NRXN1: variants seen among roughly 807,000 people sequenced by gnomAD.
NRXN1 encodes the protein neurexin 1, also known as neurexin-1.
NRXN1 carries 39 observed loss-of-function variants against 150.9 expected under a neutral mutation model. That is an observed-to-expected ratio of 0.26 (90% confidence interval 0.20 to 0.34). The LOEUF (loss-of-function observed/expected upper bound fraction) is 0.34, where lower values mean the gene tolerates loss of function less well. NRXN1 is among the 10% of genes least tolerant of loss of function. The pLI is 1.00. For missense variants in NRXN1, 1,815 were observed against 1,949.9 expected, an observed-to-expected ratio of 0.93 and a Z score of 1.30; for synonymous variants, 924 against 757.0, an observed-to-expected ratio of 1.22 and a Z score of -3.62.
At chr2:50,445,813 T>A (rs530930181) in intron 17 of NRXN1, among the ~76,000 whole-genome samples, 1 of 152,272 alleles carries the variant, frequency 6.6e-6, no homozygotes, top group Non-Finnish European at 1.5e-5. Flanking sequence ...TATTTCTACC[T>A]AGGGATTGGA....
At chr2:50,740,879 A>G (rs1699344066) in intron 5 of NRXN1, among the ~76,000 whole-genome samples, 1 of 152,200 alleles carries the variant, frequency 6.6e-6, no homozygotes, top group South Asian at 2.1e-4. Context: ...TATCTGTCAT[A>G]ATCAATAACT....
intron 5 of NRXN1, among the ~76,000 whole-genome samples, chr2:50,815,025 A>G (rs1397050456): frequency 6.6e-6 from 1 of 152,132 alleles, no homozygotes; most frequent in Non-Finnish European, 1.5e-5. Context: ...TATAAGGCAG[A>G]ATTCTTAGAA....
chr2:50,743,200 G>C lies in NRXN1; in HGVS notation c.833-119585C>G, dbSNP rs141348059. 3.1e-4 allele frequency among the ~76,000 whole-genome samples: 47 copies of C among 152,232 alleles called. No homozygotes were observed. The East Asian group carries it at 8.9e-3, about 29-fold the overall frequency. On this transcript the variant is annotated intron_variant, in intron 5 of 22. Transcript: ENST00000401669. ...ATATGCTTTTTGAACTTGAGGTTAG[G>C]TGGGTCCCTACCTCGTGTCTTTGTT...
At chr2:50,700,968 G>A (rs761181114) in intron 5 of NRXN1, among the ~76,000 whole-genome samples, 2 of 151,988 alleles carry the variant, frequency 1.3e-5, no homozygotes, top group Middle Eastern at 3.4e-3. Context: ...GCCCGGCCAG[G>A]GATCAAGATT....
At chr2:50,996,006 T>C (rs770507767) in intron 2 of NRXN1, among the ~76,000 whole-genome samples, 1 of 152,074 alleles carries the variant, frequency 6.6e-6, no homozygotes, top group Non-Finnish European at 1.5e-5. Context: ...TGTTGGTCAA[T>C]GAGGATATTA....
chr2:50,286,093 C>A (rs550374996), intron 17 of NRXN1, among the ~76,000 whole-genome samples: 2 of 152,214 alleles, frequency 1.3e-5, no homozygotes, highest in East Asian at 3.9e-4. Context: ...ATGACTAAAT[C>A]TAGCCAATTT....
intron 5 of NRXN1, among the ~76,000 whole-genome samples, chr2:50,678,629 CCTT>C (rs1689891109): frequency 2.0e-5 from 3 of 152,104 alleles, no homozygotes; most frequent in Non-Finnish European, 4.4e-5. Context: ...TTTACAGCCT[CCTT>C]CTCCAGATCT....
At chr2:50,538,225 G>A (rs186615870) in intron 10 of NRXN1, 28 bp downstream of exon 10, 2 of 1,591,736 alleles carry the variant, frequency 1.3e-6, no homozygotes, top group African/African-American at 1.3e-5. Flanking sequence ...ATCTCAGGGA[G>A]TTGGCTGCTG....
chr2:50,240,401 A>G (rs1244923444), intron 17 of NRXN1, among the ~76,000 whole-genome samples: 5 of 151,758 alleles, frequency 3.3e-5, no homozygotes, highest in African/African-American at 1.2e-4. Context: ...GCTCTCTTCT[A>G]CATACTTCTA....
chr2:50,954,623 G>C (rs1224938274), intron 2 of NRXN1, among the ~76,000 whole-genome samples: 5 of 152,186 alleles, frequency 3.3e-5, no homozygotes, highest in Non-Finnish European at 4.4e-5. Context: ...AGTAGGCACA[G>C]TTCAAAGAAA....
chr2:50,873,844 C>T (rs1678165604), intron 5 of NRXN1, among the ~76,000 whole-genome samples: 1 of 151,782 alleles, frequency 6.6e-6, no homozygotes, highest in Non-Finnish European at 1.5e-5. Flanking sequence ...AAAAACAATG[C>T]TGACCTGGCA....
chr2:49,984,088 G>A (rs72887825), intron 21 of NRXN1, among the ~76,000 whole-genome samples: 2,951 of 152,132 alleles, frequency 0.019, 104 homozygotes, highest in African/African-American at 0.067. Context: ...GATCACTTGA[G>A]CCTAAGAGGC....
chr2:50,690,703 T>C (rs1215215705), intron 5 of NRXN1, among the ~76,000 whole-genome samples: 5 of 152,210 alleles, frequency 3.3e-5, no homozygotes, highest in African/African-American at 1.2e-4. Context: ...CTAAGTGTCA[T>C]CTTGTAGCAC....
chr2:51,000,988 G>C (rs1444734005), intron 2 of NRXN1, among the ~76,000 whole-genome samples: 1 of 151,894 alleles, frequency 6.6e-6, no homozygotes, highest in African/African-American at 2.4e-5. Flanking sequence ...GGCATAAAGC[G>C]CTGGAGTTGA....
intron 2 of NRXN1, chr2:51,026,348 T>C: frequency 2.7e-6 from 4 of 1,493,218 alleles, no homozygotes; most frequent in Non-Finnish European, 3.7e-6. Context: ...CACTGATTCG[T>C]CTTTTTCACA....
chr2:50,019,615 C>T (rs1392080656), intron 21 of NRXN1, among the ~76,000 whole-genome samples: 1 of 98,494 alleles, frequency 1.0e-5, no homozygotes, highest in Non-Finnish European at 1.9e-5. Context: ...GCACTCCAGC[C>T]TGTAAGAAGG....
intron 21 of NRXN1, among the ~76,000 whole-genome samples, chr2:50,014,035 T>G (rs1255307720): frequency 6.6e-6 from 1 of 151,956 alleles, no homozygotes; most frequent in Admixed American, 6.6e-5. Context: ...ATCCAGAAGT[T>G]AAATATTAAA....
intron 17 of NRXN1, among the ~76,000 whole-genome samples, chr2:50,256,216 G>T (rs2067685039): frequency 6.6e-6 from 1 of 152,108 alleles, no homozygotes; most frequent in Non-Finnish European, 1.5e-5. Context: ...ATAACATGGA[G>T]AGCTTTCTGA....
intron 5 of NRXN1, among the ~76,000 whole-genome samples, chr2:50,784,049 G>T (rs570389379): frequency 4.2e-4 from 64 of 152,204 alleles, no homozygotes; most frequent in Non-Finnish European, 7.2e-4. Flanking sequence ...TCTGGAAAAT[G>T]GTATCCAGGT....
Sources: gnomAD v4.1 joint callset for allele counts (sites outside exome capture counted in the v4.1 genomes callset) on GRCh38, gnomAD v4.1.1 for gene constraint, MANE v1.5 for transcripts, NCBI Gene and HGNC (gene_info 2026-07-23, HGNC 2026-07-21) for gene names.